CSGALNACT1: variants seen among roughly 807,000 people sequenced by gnomAD.
CSGALNACT1 encodes the protein beta4GalNAcT-1.
A neutral mutation model predicts 51.0 loss-of-function variants in CSGALNACT1; 52 were observed. The observed-to-expected ratio is 1.02, with a 90% CI of 0.82 to 1.29. The LOEUF is 1.29. Among genes scored for constraint, CSGALNACT1 ranks in the 50% most tolerant of loss-of-function variants. CSGALNACT1 has a pLI of 0.00. For synonymous variants in CSGALNACT1, 341 were observed against 254.4 expected (o/e 1.34, Z -3.24); for missense variants, 935 against 679.2 (o/e 1.38, Z -4.19).
chr8:19,577,399 T>TAAAAAAAAAAAAAAAAAAAAA (rs2044489872), intron 3 of CSGALNACT1, among the ~76,000 whole-genome samples: 1 of 121,912 alleles, frequency 8.2e-6, no homozygotes, highest in African/African-American at 4.2e-5. Flanking sequence ...ACCCCACCTC[T>TAAAAAAAAAAAAAAAAAAAAA]ACAAAAAAAA....
At chr8:19,458,612 G>A (rs778390911) in exon 5 of CSGALNACT1, 1 of 1,613,978 alleles carries the variant, frequency 6.2e-7, no homozygotes. Context: ...CTCATACAAT[G>A]TCCCTTTGTC....
At chr8:19,617,049 T>G (rs1252805961) in intron 1 of CSGALNACT1, among the ~76,000 whole-genome samples, 2 of 152,204 alleles carry the variant, frequency 1.3e-5, no homozygotes, top group Non-Finnish European at 1.5e-5. Flanking sequence ...GCCCTGAGCT[T>G]GTTTTCCTGT....
intron 9 of CSGALNACT1, 96 bp from the exon 9 acceptor site, chr8:19,406,165 G>A (rs577991670): frequency 3.4e-5 from 47 of 1,384,886 alleles, no homozygotes; most frequent in Non-Finnish European, 4.3e-5. Context: ...AGACATGACT[G>A]GGGGGGATGC....
intron 1 of CSGALNACT1, among the ~76,000 whole-genome samples, chr8:19,671,272 T>C (rs1264083547): frequency 6.6e-6 from 1 of 152,218 alleles, no homozygotes; most frequent in Non-Finnish European, 1.5e-5. Context: ...CAATATTCTC[T>C]GCCTGCAACT....
intron 8 of CSGALNACT1, among the ~76,000 whole-genome samples, chr8:19,415,403 G>A (rs2056680942): frequency 6.6e-6 from 1 of 152,122 alleles, no homozygotes; most frequent in Admixed American, 6.5e-5. Context: ...CATAAATACT[G>A]AACTCTAAAA....
chr8:19,507,059 G>A (rs1261698604), intron 3 of CSGALNACT1, among the ~76,000 whole-genome samples: 1 of 152,120 alleles, frequency 6.6e-6, no homozygotes, highest in Non-Finnish European at 1.5e-5. Flanking sequence ...TCAGGAACTG[G>A]GGAAGCACCC....
chr8:19,604,002 C>T (rs918231761), upstream of CSGALNACT1, among the ~76,000 whole-genome samples: 15 of 152,180 alleles, frequency 9.9e-5, no homozygotes, highest in African/African-American at 3.4e-4. Context: ...ACTGCAGGTT[C>T]GGAGCCACGG....
chr8:19,755,166 A>C (rs1424332080), intron 1 of CSGALNACT1, among the ~76,000 whole-genome samples: 1 of 152,176 alleles, frequency 6.6e-6, no homozygotes, highest in African/African-American at 2.4e-5. Context: ...TAATGTAATA[A>C]CATGGCATTA....
chr8:19,605,977 A>G (rs181893388), upstream of CSGALNACT1, among the ~76,000 whole-genome samples: 16 of 152,346 alleles, frequency 1.1e-4, no homozygotes, highest in African/African-American at 1.9e-4. Flanking sequence ...CTTCAAAAAC[A>G]CAATGGACCC....
chr8:19,689,332 C>T (rs546999133), intron 1 of CSGALNACT1, among the ~76,000 whole-genome samples: 9 of 152,152 alleles, frequency 5.9e-5, no homozygotes, highest in South Asian at 2.1e-4. Flanking sequence ...ACCAGGACCC[C>T]GGCCCTGGAC....
chr8:19,425,508 A>AT (rs2058639277), intron 6 of CSGALNACT1, among the ~76,000 whole-genome samples: 1 of 152,012 alleles, frequency 6.6e-6, no homozygotes, highest in Non-Finnish European at 1.5e-5. Flanking sequence ...TGCAGAATCG[A>AT]TTTTTTCCTC....
intron 3 of CSGALNACT1, among the ~76,000 whole-genome samples, chr8:19,572,113 C>T (rs1461995010): frequency 2.0e-5 from 3 of 152,138 alleles, no homozygotes; most frequent in African/African-American, 4.8e-5. Flanking sequence ...AGAAAAACAT[C>T]GGCAACAACA....
At chr8:19,449,615 AAG>A (rs1475445199) in intron 5 of CSGALNACT1, among the ~76,000 whole-genome samples, 1 of 152,220 alleles carries the variant, frequency 6.6e-6, no homozygotes, top group Non-Finnish European at 1.5e-5. Flanking sequence ...AAATGAATAA[AAG>A]AGAACTGCTA....
intron 3 of CSGALNACT1, among the ~76,000 whole-genome samples, chr8:19,513,615 TGA>T (rs957856585): frequency 1.3e-5 from 2 of 151,984 alleles, no homozygotes; most frequent in Admixed American, 6.6e-5. Flanking sequence ...AAAAATGTTC[TGA>T]GAGATGCATC....
chr8:19,665,935 C>T (rs1200849930), intron 1 of CSGALNACT1, among the ~76,000 whole-genome samples: 3 of 152,180 alleles, frequency 2.0e-5, no homozygotes, highest in African/African-American at 2.4e-5. Context: ...ACCACATTGT[C>T]GATTTTCCAG....
At chr8:19,626,783 C>A (rs1382213517) in intron 1 of CSGALNACT1, among the ~76,000 whole-genome samples, 1 of 152,036 alleles carries the variant, frequency 6.6e-6, no homozygotes, top group Non-Finnish European at 1.5e-5. Context: ...AGACCTTCAC[C>A]AAAGAGAATA....
chr8:19,714,940 C>T (rs1216119119), intron 1 of CSGALNACT1, among the ~76,000 whole-genome samples: 1 of 152,134 alleles, frequency 6.6e-6, no homozygotes, highest in Non-Finnish European at 1.5e-5. Context: ...CTCAAGTGGG[C>T]CCCAGTGTCT....
chr8:19,452,247 G>A (rs1292191650), intron 5 of CSGALNACT1, among the ~76,000 whole-genome samples: 1 of 152,168 alleles, frequency 6.6e-6, no homozygotes, highest in African/African-American at 2.4e-5. Flanking sequence ...GGTGAGAGAA[G>A]GCAGCCTGGG....
chr8:19,601,100 CTT>C lies in CSGALNACT1; in HGVS notation c.-416+669_-416+670del, dbSNP rs2050329754. On this transcript the variant is annotated intron_variant, in intron 2 of 9. Coordinates refer to ENST00000454498, the Ensembl canonical transcript of CSGALNACT1. The stretch of plus-strand genomic sequence containing the variant: ...TTATTTTGTATTTTTTAAGTTTAGT[CTT>C]ATCAGATGTAATAAAACATCTTATT... Among the ~76,000 whole-genome samples the C allele has an allele frequency of 2.0e-5, 3 of 151,976 alleles. No homozygotes were observed. The South Asian group carries it at 6.2e-4, about 32-fold the overall frequency.
Sources: allele counts gnomAD v4.1 joint callset (sites outside exome capture counted in the v4.1 genomes callset), GRCh38; gene constraint gnomAD v4.1.1; transcripts MANE v1.5; gene names NCBI Gene and HGNC (gene_info 2026-07-23, HGNC 2026-07-21).